The following LRRC4C variants were observed in gnomAD, a reference collection of about 807,000 sequenced individuals.
LRRC4C encodes leucine-rich repeat-containing protein 4C.
In LRRC4C, 5 loss-of-function variants were observed where a neutral mutation model predicts 33.6. That is an observed-to-expected ratio of 0.15 (90% CI 0.08 to 0.31). The LOEUF is 0.31. Among genes scored for constraint, LRRC4C ranks in the 10% least tolerant of loss-of-function variants. The pLI is 1.00. For synonymous variants in LRRC4C, 329 were observed against 302.0 expected, an observed-to-expected ratio of 1.09 and a Z score of -0.93; for missense variants, 560 against 796.7, an observed-to-expected ratio of 0.70 and a Z score of 3.58.
chr11:40,276,974 T>C (rs1215511144), intron 4 of LRRC4C, among the ~76,000 whole-genome samples: 2 of 152,114 alleles, frequency 1.3e-5, no homozygotes, highest in Non-Finnish European at 2.9e-5. Context: ...TATATCACTA[T>C]ATCTCTTCCT....
chr11:40,188,568 G>A (rs1482841019), intron 5 of LRRC4C, among the ~76,000 whole-genome samples: 2 of 152,102 alleles, frequency 1.3e-5, no homozygotes, highest in East Asian at 1.9e-4. Flanking sequence ...CATTTTTATG[G>A]TTTCAAAAGG....
intron 3 of LRRC4C, among the ~76,000 whole-genome samples, chr11:40,587,645 G>A (rs1430779453): frequency 2.0e-4 from 30 of 151,334 alleles, no homozygotes; most frequent in South Asian, 4.2e-4. Flanking sequence ...TTTGAAATAC[G>A]TCCCATCAAT....
chr11:40,882,551 C>T (rs1256785739), intron 2 of LRRC4C, among the ~76,000 whole-genome samples: 3 of 151,932 alleles, frequency 2.0e-5, no homozygotes, highest in South Asian at 2.1e-4. Context: ...TTTCTACATA[C>T]TATTCCTTCA....
rs114937252 is a variant in LRRC4C, at chr11:40,175,366, A to G, written c.-95-34513T>C. On this transcript the variant is annotated intron_variant, in intron 5 of 6. Transcript: ENST00000528697. The stretch of plus-strand genomic sequence containing the variant: ...ACTCAACATCCAGGCTTCCCAGTGA[A>G]CAAGGAAAACCAGACCGGCTTGTCT... 4.9e-3 allele frequency among the ~76,000 whole-genome samples: 744 copies of G among 152,348 alleles called. 7 individuals carry two copies. Among genetic ancestry groups the G allele is most frequent in the African/African-American group, 0.017 (711 of 41,586 alleles).
chr11:41,163,178 TTTAA>T (rs1944549316), intron 1 of LRRC4C, among the ~76,000 whole-genome samples: 1 of 152,092 alleles, frequency 6.6e-6, no homozygotes, highest in South Asian at 2.1e-4. Context: ...AGCCTCAGAA[TTTAA>T]TTAAACTTCT....
At chr11:40,872,432 T>C (rs1162999784) in intron 2 of LRRC4C, among the ~76,000 whole-genome samples, 5 of 152,198 alleles carry the variant, frequency 3.3e-5, no homozygotes, top group Non-Finnish European at 7.4e-5. Context: ...AATTCACTTA[T>C]GGCAAGAATT....
intron 3 of LRRC4C, among the ~76,000 whole-genome samples, chr11:40,470,040 C>T (rs1952849736): frequency 1.3e-5 from 2 of 152,218 alleles, no homozygotes; most frequent in African/African-American, 4.8e-5. Context: ...TGCTAAGGGA[C>T]AGACTGCCTC....
chr11:41,070,031 T>C (rs905820832), intron 1 of LRRC4C, among the ~76,000 whole-genome samples: 3 of 152,044 alleles, frequency 2.0e-5, no homozygotes, highest in Admixed American at 6.6e-5. Context: ...TAAAAGGCTA[T>C]AGTAACCAAA....
chr11:40,305,432 T>C (rs1470397548), intron 4 of LRRC4C, among the ~76,000 whole-genome samples: 1 of 152,192 alleles, frequency 6.6e-6, no homozygotes, highest in Non-Finnish European at 1.5e-5. Flanking sequence ...TTTGAATGAA[T>C]AGCTAAGATG....
At chr11:40,993,543 G>T (rs998852753) in intron 1 of LRRC4C, among the ~76,000 whole-genome samples, 2 of 152,006 alleles carry the variant, frequency 1.3e-5, no homozygotes, top group African/African-American at 4.8e-5. Flanking sequence ...AACTTTTTAG[G>T]CACTCCTTTG....
At chr11:40,299,028 C>T (rs898450889) in intron 4 of LRRC4C, among the ~76,000 whole-genome samples, 4 of 152,130 alleles carry the variant, frequency 2.6e-5, no homozygotes, top group African/African-American at 9.7e-5. Flanking sequence ...CAGGAGGTTA[C>T]TGCAAAGTTG....
chr11:40,926,758 A>AAACCTT (rs1298502616), intron 2 of LRRC4C, among the ~76,000 whole-genome samples: 4 of 152,182 alleles, frequency 2.6e-5, no homozygotes, highest in African/African-American at 9.7e-5. Flanking sequence ...AAGTCTACAC[A>AAACCTT]GAAATACTAT....
intron 1 of LRRC4C, among the ~76,000 whole-genome samples, chr11:41,289,884 G>A (rs1341236215): frequency 6.6e-6 from 1 of 152,136 alleles, no homozygotes; most frequent in Non-Finnish European, 1.5e-5. Context: ...TGTAAGGAGA[G>A]TAAAACAAAA....
chr11:41,181,373 GAA>G (rs34081145), intron 1 of LRRC4C, among the ~76,000 whole-genome samples: 1 of 151,850 alleles, frequency 6.6e-6, no homozygotes, highest in Non-Finnish European at 1.5e-5. Flanking sequence ...TCCAGAGGGG[GAA>G]AAAAAGGCAT....
intron 1 of LRRC4C, among the ~76,000 whole-genome samples, chr11:41,192,080 G>A (rs1474441425): frequency 6.6e-6 from 1 of 152,006 alleles, no homozygotes; most frequent in Non-Finnish European, 1.5e-5. Flanking sequence ...ACTTCATTTA[G>A]GTTTCTGCTT....
chr11:40,729,369 CAG>C (rs1469126795), intron 2 of LRRC4C, among the ~76,000 whole-genome samples: 1 of 152,146 alleles, frequency 6.6e-6, no homozygotes, highest in Non-Finnish European at 1.5e-5. Context: ...GATGGCAAGA[CAG>C]AGGTAACTCC....
chr11:40,895,863 C>T (rs1291772807), intron 2 of LRRC4C, among the ~76,000 whole-genome samples: 1 of 152,132 alleles, frequency 6.6e-6, no homozygotes, highest in Non-Finnish European at 1.5e-5. Flanking sequence ...CCCAACCCTG[C>T]AATCTGGGGG....
At chr11:41,331,853 C>T (rs897893306) in intron 1 of LRRC4C, among the ~76,000 whole-genome samples, 41 of 152,178 alleles carry the variant, frequency 2.7e-4, no homozygotes, top group African/African-American at 9.4e-4. Context: ...AAATGTACCA[C>T]ACGTGCTGAT....
At chr11:40,354,138 C>T (rs1216867346) in intron 3 of LRRC4C, among the ~76,000 whole-genome samples, 1 of 152,190 alleles carries the variant, frequency 6.6e-6, no homozygotes, top group East Asian at 1.9e-4. Flanking sequence ...TGGTCATCTT[C>T]AATAAGATCC....
Sources: gnomAD v4.1 joint callset for allele counts (sites outside exome capture counted in the v4.1 genomes callset) on GRCh38, gnomAD v4.1.1 for gene constraint, MANE v1.5 for transcripts, NCBI Gene and HGNC (gene_info 2026-07-23, HGNC 2026-07-21) for gene names.